Variants in TTLL7 observed in about 807,000 individuals in gnomAD.
TTLL7 encodes tubulin polyglutamylase TTLL7.
In TTLL7, 53 loss-of-function variants were observed where a neutral mutation model predicts 120.2. The observed-to-expected ratio is 0.44, with a 90% confidence interval of 0.35 to 0.55. The LOEUF (loss-of-function observed/expected upper bound fraction) is 0.55. Ranked by LOEUF, TTLL7 falls within the 20% of genes least tolerant of loss-of-function variation. TTLL7 has a pLI of 0.00. For missense variants in TTLL7, 803 were observed against 1,054.7 expected, an observed-to-expected ratio of 0.76 and a Z score of 3.31; for synonymous variants, 353 against 351.7, an observed-to-expected ratio of 1.00 and a Z score of -0.04.
At chr1:83,924,764 G>T (rs552265775) in intron 10 of TTLL7, among the ~76,000 whole-genome samples, 1 of 152,152 alleles carries the variant, frequency 6.6e-6, no homozygotes, top group East Asian at 1.9e-4. Context: ...AAGTCAGTTG[G>T]CATTCACCAA....
chr1:83,906,631 ATATGAATCC>A, intron 16 of TTLL7, 168 bp from the exon 17 acceptor site: 1 of 847,564 alleles, frequency 1.2e-6, no homozygotes, highest in Non-Finnish European at 1.8e-6. Flanking sequence ...GATTAAATGG[ATATGAATCC>A]CAAGAGTGTC....
chr1:83,942,699 T>C lies in TTLL7; in HGVS notation c.507-20A>G. The C allele has an allele frequency of 6.4e-7, 1 of 1,561,060 alleles. No homozygotes were observed. Among genetic ancestry groups the C allele is most frequent in the Non-Finnish European group, 8.8e-7 (1 of 1,142,490 alleles). On this transcript the variant is annotated intron_variant, in intron 6 of 20. Transcript: ENST00000260505. ...GAAATCCTATGTTTAAAGAAAAAAATTAAAAGAATGATTTGACATAGAGCA... is the reference window on the plus strand; with the variant it reads ...GAAATCCTATGTTTAAAGAAAAAAACTAAAAGAATGATTTGACATAGAGCA...
intron 1 of TTLL7, among the ~76,000 whole-genome samples, chr1:83,986,246 ATATATG>A (rs1439152872): frequency 6.6e-6 from 1 of 152,196 alleles, no homozygotes; most frequent in Admixed American, 6.5e-5. Flanking sequence ...TGTATGTATA[ATATATG>A]TATAAGTATG....
chr1:83,934,620 C>T (rs1192598872), intron 8 of TTLL7, among the ~76,000 whole-genome samples: 2 of 152,140 alleles, frequency 1.3e-5, no homozygotes, highest in Non-Finnish European at 2.9e-5. Flanking sequence ...AGTTGTTTTA[C>T]TGAAGTTTCA....
chr1:83,892,952 A>AG (rs1553129477), intron 18 of TTLL7, among the ~76,000 whole-genome samples: 1 of 128,978 alleles, frequency 7.8e-6, no homozygotes, highest in Non-Finnish European at 1.6e-5. Context: ...GAAAGAAAGA[A>AG]AAGAATAAAA....
intron 19 of TTLL7, among the ~76,000 whole-genome samples, 168 bp from the exon 20 acceptor site, chr1:83,883,304 A>C (rs1398729215): frequency 6.6e-6 from 1 of 152,058 alleles, no homozygotes; most frequent in Non-Finnish European, 1.5e-5. Flanking sequence ...TCAGGAAATT[A>C]ATCTTTATAT....
intron 1 of TTLL7, among the ~76,000 whole-genome samples, chr1:83,970,106 G>A (rs1650840778): frequency 6.6e-6 from 1 of 151,938 alleles, no homozygotes; most frequent in African/African-American, 2.4e-5. Context: ...ATACATTATT[G>A]ATAAATCTTA....
intron 1 of TTLL7, among the ~76,000 whole-genome samples, chr1:83,953,964 GA>G (rs1377797938): frequency 1.6e-4 from 24 of 152,242 alleles, no homozygotes; most frequent in Non-Finnish European, 2.8e-4. Context: ...TGCCAAGCTG[GA>G]AACAGACTGG....
chr1:83,964,348 G>T (rs1389307779), intron 1 of TTLL7, among the ~76,000 whole-genome samples: 1 of 152,068 alleles, frequency 6.6e-6, no homozygotes, highest in Admixed American at 6.6e-5. Flanking sequence ...GGTGCCTGAA[G>T]TTAACCATTG....
intron 18 of TTLL7, among the ~76,000 whole-genome samples, chr1:83,901,473 C>G (rs1656722091): frequency 6.6e-6 from 1 of 151,940 alleles, no homozygotes; most frequent in South Asian, 2.1e-4. Flanking sequence ...ATATCGTACT[C>G]TCTACTTTTT....
chr1:83,890,350 T>C lies in TTLL7; in HGVS notation c.2340A>G (p.Gln780=). 6.2e-7 allele frequency: 1 copy of C among 1,613,226 alleles called. No individual in the cohort carries two copies. Among genetic ancestry groups the C allele is most frequent in the Non-Finnish European group, 8.5e-7 (1 of 1,179,492 alleles). Residue 780 remains glutamine (Q), a synonymous_variant, in exon 19 of 21, where the codon CAA becomes CAG. Coordinates refer to ENST00000260505, the MANE Select transcript of TTLL7 (RefSeq NM_024686.6). ...VFNRLLWSRG[Q]GLWNCFCDSG... Reference sequence around the variant, plus strand: ...AATCACAGAAACAGTTCCACAGCCCTTGGCCACGACTCCAGAGTAAGCGAT... The same window carrying C: ...AATCACAGAAACAGTTCCACAGCCCCTGGCCACGACTCCAGAGTAAGCGAT...
Position 83,866,752 on chromosome 1 carries a change from A to T in TTLL7, c.*3210T>A, listed in dbSNP as rs560703646. 6.6e-6 allele frequency: 1 copy of T among 151,944 alleles called. No individual in the cohort carries two copies. The highest frequency in any genetic ancestry group is 1.5e-5 in the Non-Finnish European group (1 of 67,824). 9.4% of individuals were successfully genotyped at this position (151,944 alleles called of 1,614,324 possible). The stretch of plus-strand genomic sequence containing the variant: ...TAAATGCAATGCTACTAAAATAAAA[A>T]TTTGTTGCTAGTAAAATTAATCAAA... On this transcript the variant is annotated 3_prime_UTR_variant, in exon 21 of 21. Coordinates refer to ENST00000260505, the MANE Select transcript of TTLL7 (RefSeq NM_024686.6).
chr1:83,911,447 C>G, intron 14 of TTLL7, 84 bp from the exon 15 acceptor site: 1 of 1,092,760 alleles, frequency 9.2e-7, no homozygotes, highest in South Asian at 1.6e-5. Flanking sequence ...TTAATTTCCC[C>G]CTATGCTTGC....
At chr1:83,941,406 C>T (rs960155827) in intron 7 of TTLL7, among the ~76,000 whole-genome samples, 15 of 152,204 alleles carry the variant, frequency 9.9e-5, no homozygotes, top group African/African-American at 3.6e-4. Context: ...TTGGCTTTAT[C>T]TAGACCATAT....
At position 83,907,659 on chromosome 1, in the gene TTLL7, A is replaced by G; in HGVS notation, c.1789T>C (p.Ser597Pro). Residue 597 changes from serine to proline, a missense_variant and splice_region_variant, in exon 16 of 21, where the codon TCC (serine) becomes CCC (proline). By Grantham distance (74) the Ser-to-Pro change is moderately conservative. Around this residue, in one of 3 missense-constraint regions of TTLL7, gnomAD observed 388 missense variants for 450.4 expected, o/e 0.86. Coordinates refer to ENST00000260505, the MANE Select transcript of TTLL7 (RefSeq NM_024686.6). ...NHYKLIQQPS[S>P]IRRSVSCPRS... ...GGGCAGCTGACTGAACGTCTTATGG[A>G]GCCTATCAGTGATGGAGAAGAGGGA... The G allele has an allele frequency of 6.2e-7, 1 of 1,612,322 alleles. No individual in the cohort carries two copies. Among genetic ancestry groups the G allele is most frequent in the Non-Finnish European group, 8.5e-7 (1 of 1,179,090 alleles).
At chr1:83,912,901 A>T (rs1657798049) in intron 14 of TTLL7, 1 of 152,194 alleles carries the variant, frequency 6.6e-6, no homozygotes, top group African/African-American at 2.4e-5. Flanking sequence ...TGAATTCTAG[A>T]GGAAGGTTGT....
At chr1:83,964,555 CTCA>C (rs952725797) in intron 1 of TTLL7, among the ~76,000 whole-genome samples, 16 of 152,006 alleles carry the variant, frequency 1.1e-4, no homozygotes, top group African/African-American at 3.9e-4. Flanking sequence ...GTTTTTAATG[CTCA>C]TCATCTTATT....
At chr1:83,934,281 G>A (rs115014568) in intron 8 of TTLL7, among the ~76,000 whole-genome samples, 1,771 of 152,266 alleles carry the variant, frequency 0.012, 16 homozygotes, top group Non-Finnish European at 0.018. Context: ...GTAAAACAAA[G>A]CTGATAAATG....
chr1:83,865,083 TCAC>T lies in TTLL7; in HGVS notation c.*4876_*4878del, dbSNP rs1652830200. On this transcript the variant is annotated 3_prime_UTR_variant, in exon 21 of 21. Transcript: ENST00000260505. ...ATGTATCAGAGTAATTGAAATAACT[TCAC>T]CATACAGATATCACATGCTGGAGCA... 6.6e-6 allele frequency: 1 copy of T among 151,658 alleles called. No homozygotes were observed. Among genetic ancestry groups the T allele is most frequent in the African/African-American group, 2.4e-5 (1 of 41,340 alleles). 9.4% of individuals were successfully genotyped at this position (151,658 alleles called of 1,614,324 possible). A position where few individuals can be genotyped will look rare whatever the true frequency, so the allele number is the denominator to read the frequency against.
Sources: allele counts gnomAD v4.1 joint callset (sites outside exome capture counted in the v4.1 genomes callset), GRCh38; gene constraint gnomAD v4.1.1; regional missense constraint gnomAD v4.1.1; transcripts MANE v1.5; gene names NCBI Gene and HGNC (gene_info 2026-07-23, HGNC 2026-07-21).